Variants in RSPO2 observed in about 807,000 individuals in gnomAD.
RSPO2 encodes R-spondin 2, also known as R-spondin-2.
RSPO2 carries 14 observed loss-of-function variants against 30.9 expected under a neutral mutation model. The observed-to-expected ratio is 0.45, with a 90% CI of 0.30 to 0.71. The LOEUF (loss-of-function observed/expected upper bound fraction) is 0.71. RSPO2 is among the 30% of genes least tolerant of loss of function. The pLI is 0.08. For synonymous variants in RSPO2, 107 were observed against 96.4 expected (o/e 1.11, Z -0.64); for missense variants, 264 against 301.9 (o/e 0.87, Z 0.93).
intron 2 of RSPO2, among the ~76,000 whole-genome samples, chr8:108,062,196 T>C (rs2130706160): frequency 6.6e-6 from 1 of 151,700 alleles, no homozygotes; most frequent in African/African-American, 2.4e-5. Context: ...AGAGCAGAAC[T>C]GAAGGAGATA....
chr8:108,051,824 A>T (rs1457071751), intron 2 of RSPO2, among the ~76,000 whole-genome samples: 1 of 152,204 alleles, frequency 6.6e-6, no homozygotes, highest in Non-Finnish European at 1.5e-5. Context: ...ACTTTCAATT[A>T]AACTATCACC....
chr8:107,912,968 TTTTTA>T, intron 5 of RSPO2, among the ~76,000 whole-genome samples: 1 of 152,308 alleles, frequency 6.6e-6, no homozygotes, highest in African/African-American at 2.4e-5. Flanking sequence ...CTTTATTCCT[TTTTTA>T]TTTTGTAAAG....
intron 2 of RSPO2, among the ~76,000 whole-genome samples, chr8:108,061,334 A>G (rs1812456780): frequency 6.6e-6 from 1 of 151,840 alleles, no homozygotes; most frequent in South Asian, 2.1e-4. Context: ...AAAGGGATGG[A>G]GGAAGATCTA....
chr8:107,949,534 C>G lies in RSPO2; in HGVS notation c.616+8546G>C, dbSNP rs137946211. ...ATTCAATATTCACCAAAATAGCCTA[C>G]TGGGTGATTACAGCAAAAAACAACT... On this transcript the variant is annotated intron_variant, in intron 5 of 5. Transcript: ENST00000276659. 2.0e-3 allele frequency among the ~76,000 whole-genome samples: 307 copies of G among 152,226 alleles called. 2 individuals carry two copies. The highest frequency in any genetic ancestry group is 7.2e-3 in the African/African-American group (298 of 41,530).
chr8:108,053,909 G>T (rs975097874), intron 2 of RSPO2, among the ~76,000 whole-genome samples: 1 of 152,016 alleles, frequency 6.6e-6, no homozygotes, highest in African/African-American at 2.4e-5. Context: ...CTCTACCAAA[G>T]AAAATTTAAA....
rs982179611 is a variant in RSPO2 at position 108,064,148 on chromosome 8, C to G, written c.94+18397G>C. On this transcript the variant is annotated intron_variant, in intron 2 of 5. Transcript: ENST00000276659. ...GGACTTCATGTCTAAAACACCAAAA[C>G]CAATGGCAACAAAAGCCAAAATTGA... 4.5e-4 allele frequency among the ~76,000 whole-genome samples: 69 copies of G among 152,118 alleles called. 1 individual carries two copies. Among genetic ancestry groups the G allele is most frequent in the East Asian group, 1.5e-3 (8 of 5,168 alleles).
At chr8:107,983,113 G>A in intron 3 of RSPO2, 2 of 1,429,526 alleles carry the variant, frequency 1.4e-6, no homozygotes, top group Non-Finnish European at 1.9e-6. Context: ...TTACCCCAGG[G>A]TCTATGGAAG....
chr8:108,027,853 T>C lies in RSPO2; in HGVS notation c.95-38609A>G, dbSNP rs577178401. On this transcript the variant is annotated intron_variant, in intron 2 of 5. Coordinates refer to ENST00000276659, the MANE Select transcript of RSPO2 (RefSeq NM_178565.5). ...ATACATTTCCTACTCTAAGAGTCAATGTAACCTTCATACCTTTCAAAAACC... is the reference window on the plus strand; with the variant it reads ...ATACATTTCCTACTCTAAGAGTCAACGTAACCTTCATACCTTTCAAAAACC... 1.1e-4 allele frequency among the ~76,000 whole-genome samples: 16 copies of C among 152,346 alleles called. No homozygotes were observed. The South Asian group carries it at 3.3e-3, about 32-fold the overall frequency.
At position 108,029,054 on chromosome 8, in the gene RSPO2, C is replaced by CTTTTTTTTTTT. The variant is rs71308771; in HGVS notation, c.95-39821_95-39811dup. On this transcript the variant is annotated intron_variant, in intron 2 of 5. Transcript: ENST00000276659. ...AACTTGGGTAACTGTTAACATGAGTCTTTTTTTTTTTTTTTTTTTTTTTTT... is the reference window on the plus strand; with the variant it reads ...AACTTGGGTAACTGTTAACATGAGTCTTTTTTTTTTTTTTTTTTTTTTTTTTTTTTTTTTTT... 5.7e-4 allele frequency among the ~76,000 whole-genome samples: 15 copies of CTTTTTTTTTTT among 26,198 alleles called. 7 individuals are homozygous for CTTTTTTTTTTT. Among genetic ancestry groups the CTTTTTTTTTTT allele is most frequent in the Non-Finnish European group, 1.3e-3 (12 of 8,926 alleles). 17.2% of individuals were successfully genotyped at this position (26,198 alleles called of 152,430 possible). A position where few individuals can be genotyped will look rare whatever the true frequency, so the allele number is the denominator to read the frequency against.
chr8:108,003,311 A>ATATT (rs1815340187), intron 2 of RSPO2, among the ~76,000 whole-genome samples: 2 of 29,022 alleles, frequency 6.9e-5, no homozygotes, highest in East Asian at 1.5e-3. Flanking sequence ...ATATATATAT[A>ATATT]TTTTTTTTTT....
At chr8:107,958,850 A>G (rs987453629) in intron 4 of RSPO2, among the ~76,000 whole-genome samples, 3 of 152,106 alleles carry the variant, frequency 2.0e-5, no homozygotes, top group African/African-American at 7.2e-5. Context: ...TTCCAGTTCC[A>G]TCCATGTCCC....
At chr8:108,037,048 T>A (rs1395037057) in intron 2 of RSPO2, among the ~76,000 whole-genome samples, 1 of 152,200 alleles carries the variant, frequency 6.6e-6, no homozygotes, top group Non-Finnish European at 1.5e-5. Context: ...AGACAATTAG[T>A]AACCCTACAG....
chr8:107,980,637 G>A (rs1376806890), intron 3 of RSPO2, among the ~76,000 whole-genome samples: 3 of 152,056 alleles, frequency 2.0e-5, no homozygotes, highest in Non-Finnish European at 2.9e-5. Flanking sequence ...TTATCTCCAG[G>A]TCTTCTATCA....
chr8:108,053,876 T>C (rs1407028281), intron 2 of RSPO2, among the ~76,000 whole-genome samples: 1 of 152,150 alleles, frequency 6.6e-6, no homozygotes, highest in Non-Finnish European at 1.5e-5. Context: ...CACCCCAGCC[T>C]GGGCAGCAGA....
At chr8:108,070,642 A>G (rs1812817725) in intron 2 of RSPO2, among the ~76,000 whole-genome samples, 1 of 152,178 alleles carries the variant, frequency 6.6e-6, no homozygotes, top group Non-Finnish European at 1.5e-5. Context: ...GCAGCTGTCA[A>G]CAAGACTTTA....
intron 5 of RSPO2, among the ~76,000 whole-genome samples, chr8:107,928,400 A>G (rs983748981): frequency 6.6e-6 from 1 of 152,214 alleles, no homozygotes; most frequent in African/African-American, 2.4e-5. Context: ...ATTTTAAACA[A>G]AAGACTAAAA....
At position 107,994,110 on chromosome 8, in the gene RSPO2, G is replaced by A. The variant is rs1586610049; in HGVS notation, c.95-4866C>T. ...TGACACAAGTTTACCCTGTGCACTA[G>A]TCAATTCGCTAAAGGGGTTGATGGA... On this transcript the variant is annotated intron_variant, in intron 2 of 5. Transcript: ENST00000276659. Among the ~76,000 whole-genome samples, 3 of 152,210 alleles carry A rather than the reference G, an allele frequency of 2.0e-5. No individual in the cohort carries two copies. The South Asian group carries it at 6.2e-4, about 32-fold the overall frequency.
intron 2 of RSPO2, among the ~76,000 whole-genome samples, chr8:108,010,017 C>T (rs546938107): frequency 6.6e-6 from 1 of 151,762 alleles, no homozygotes; most frequent in South Asian, 2.1e-4. Flanking sequence ...CCACTGCACT[C>T]CAGCCTGGGC....
intron 2 of RSPO2, among the ~76,000 whole-genome samples, chr8:108,030,199 G>A (rs941473553): frequency 1.3e-5 from 2 of 151,626 alleles, no homozygotes; most frequent in South Asian, 2.1e-4. Context: ...TCCAATCTAG[G>A]AGGATGAGAA....
Sources: allele counts gnomAD v4.1 joint callset (sites outside exome capture counted in the v4.1 genomes callset), GRCh38; gene constraint gnomAD v4.1.1; transcripts MANE v1.5; gene names NCBI Gene and HGNC (gene_info 2026-07-23, HGNC 2026-07-21).